Variants in BAZ2B observed in about 807,000 individuals in gnomAD.
BAZ2B encodes the protein bromodomain adjacent to zinc finger domain 2B.
A neutral mutation model predicts 246.0 loss-of-function variants in BAZ2B; 91 were observed. The observed-to-expected ratio is 0.37, with a 90% CI of 0.31 to 0.44. BAZ2B has a LOEUF of 0.44. Among genes scored for constraint, BAZ2B ranks in the 20% least tolerant of loss-of-function variants. The pLI is 1.00. For synonymous variants in BAZ2B, 855 were observed against 860.0 expected (o/e 0.99, Z 0.10); for missense variants, 2,332 against 2,533.7 (o/e 0.92, Z 1.71).
chr2:159,433,415 T>C (rs765016878), intron 8 of BAZ2B, 52 bp from the exon 9 acceptor site: 53 of 1,486,336 alleles, frequency 3.6e-5, no homozygotes, highest in Middle Eastern at 3.6e-4. Flanking sequence ...AAAACAAAGA[T>C]TGCTTTTATT....
At chr2:159,429,404 G>T in intron 10 of BAZ2B, 144 bp from the exon 11 acceptor site, 3 of 489,918 alleles carry the variant, frequency 6.1e-6, no homozygotes, top group Non-Finnish European at 6.9e-6. Context: ...ATTTTTAGAT[G>T]GTTTTCAATA....
chr2:159,601,399 G>A (rs1013666736), intron 1 of BAZ2B, among the ~76,000 whole-genome samples: 3 of 150,758 alleles, frequency 2.0e-5, no homozygotes, highest in African/African-American at 7.3e-5. Context: ...ACTCCAGAAT[G>A]GGTGACAGAG....
chr2:159,636,185 A>G, the BAZ2B span, among the ~76,000 whole-genome samples: 1 of 152,266 alleles, frequency 6.6e-6, no homozygotes, highest in African/African-American at 2.4e-5. Context: ...CTGCACACAG[A>G]AAATCACCAT....
chr2:159,541,301 T>C (rs1578210677), intron 2 of BAZ2B, among the ~76,000 whole-genome samples: 1 of 151,558 alleles, frequency 6.6e-6, no homozygotes, highest in East Asian at 1.9e-4. Flanking sequence ...TGTTTTGAGA[T>C]GGAGTCTCGC....
At chr2:159,441,356 C>T (rs2073352023) in intron 6 of BAZ2B, among the ~76,000 whole-genome samples, 2 of 152,138 alleles carry the variant, frequency 1.3e-5, no homozygotes, top group African/African-American at 4.8e-5. Flanking sequence ...GCATAACATT[C>T]CTGAGTCCCA....
intron 34 of BAZ2B, among the ~76,000 whole-genome samples, chr2:159,329,261 T>C (rs2064291372): frequency 6.6e-6 from 1 of 152,112 alleles, no homozygotes; most frequent in Non-Finnish European, 1.5e-5. Flanking sequence ...ATTTATTGGG[T>C]ATTTATTGCA....
At chr2:159,347,423 A>T (rs965163) in intron 31 of BAZ2B, 63 bp downstream of exon 31, 690,517 of 1,482,994 alleles carry the variant, frequency 0.47, 167,389 homozygotes, top group African/African-American at 0.67. Context: ...ATATTAGGCA[A>T]GTAATAAACA....
intron 34 of BAZ2B, among the ~76,000 whole-genome samples, chr2:159,330,044 T>A (rs1391675692): frequency 6.6e-6 from 1 of 152,194 alleles, no homozygotes; most frequent in Non-Finnish European, 1.5e-5. Context: ...TATATTTAAC[T>A]ATGTATGACA....
intron 36 of BAZ2B, among the ~76,000 whole-genome samples, chr2:159,324,228 G>A (rs749231507): frequency 6.6e-6 from 1 of 152,054 alleles, no homozygotes; most frequent in Non-Finnish European, 1.5e-5. Flanking sequence ...TTTATTCTTG[G>A]AATAGGATTG....
chr2:159,579,614 C>A (rs1468639750), intron 1 of BAZ2B, among the ~76,000 whole-genome samples: 5 of 151,950 alleles, frequency 3.3e-5, no homozygotes, highest in Non-Finnish European at 5.9e-5. Context: ...GGCAGAGACA[C>A]AACAAAAAAA....
the BAZ2B span, among the ~76,000 whole-genome samples, chr2:159,683,046 C>T: frequency 1.2e-4 from 18 of 151,804 alleles, no homozygotes; most frequent in African/African-American, 3.4e-4. Context: ...CCCCATGGAG[C>T]ATTATTATTT....
intron 1 of BAZ2B, among the ~76,000 whole-genome samples, chr2:159,610,498 AG>A (rs1694484244): frequency 6.6e-6 from 1 of 152,224 alleles, no homozygotes; most frequent in Non-Finnish European, 1.5e-5. Flanking sequence ...AAGTGTTAAG[AG>A]GAGAAAACAG....
At chr2:159,609,102 C>T (rs938120422) in intron 1 of BAZ2B, among the ~76,000 whole-genome samples, 2 of 152,188 alleles carry the variant, frequency 1.3e-5, no homozygotes, top group African/African-American at 2.4e-5. Context: ...TTTCTCCTCC[C>T]ACCCTTCTCA....
At chr2:159,330,481 TG>T (rs1285951553) in intron 34 of BAZ2B, among the ~76,000 whole-genome samples, 1 of 152,208 alleles carries the variant, frequency 6.6e-6, no homozygotes. Context: ...CACTGATCAC[TG>T]GAGTGAGAAA....
chr2:159,616,118 C>A (rs1464786408), intron 1 of BAZ2B, 124 bp downstream of exon 1: 1 of 152,338 alleles, frequency 6.6e-6, no homozygotes, highest in African/African-American at 2.4e-5. Context: ...CGCCTCCACG[C>A]AGCAACTCCG....
intron 3 of BAZ2B, among the ~76,000 whole-genome samples, chr2:159,467,667 T>C (rs2077247430): frequency 6.7e-6 from 1 of 149,250 alleles, no homozygotes; most frequent in African/African-American, 2.5e-5. Flanking sequence ...AGTGATTTAT[T>C]TTGGGGTCGG....
chr2:159,331,872 G>A (rs2064850861), intron 34 of BAZ2B, among the ~76,000 whole-genome samples: 1 of 152,188 alleles, frequency 6.6e-6, no homozygotes, highest in South Asian at 2.1e-4. Flanking sequence ...TAGGAGGAAA[G>A]AGAGGACATG....
At chr2:159,627,326 C>T in the BAZ2B span, among the ~76,000 whole-genome samples, 1 of 150,098 alleles carries the variant, frequency 6.7e-6, no homozygotes, top group South Asian at 2.1e-4. Context: ...ATGAGGCGAG[C>T]ATCATCCTGA....
chr2:159,577,063 C>CA (rs1685518009), intron 1 of BAZ2B, among the ~76,000 whole-genome samples: 1 of 151,656 alleles, frequency 6.6e-6, no homozygotes, highest in Admixed American at 6.6e-5. Flanking sequence ...CTCATTTTTC[C>CA]AAAAAATTTT....
Sources: gnomAD v4.1 joint callset for allele counts (sites outside exome capture counted in the v4.1 genomes callset) on GRCh38, gnomAD v4.1.1 for gene constraint, MANE v1.5 for transcripts, NCBI Gene and HGNC (gene_info 2026-07-23, HGNC 2026-07-21) for gene names.